AGBL4: variants seen among roughly 807,000 people sequenced by gnomAD.
AGBL4 encodes the protein cytosolic carboxypeptidase 6.
In AGBL4, 58 loss-of-function variants were observed where a neutral mutation model predicts 66.4. The observed-to-expected ratio is 0.87, with a 90% confidence interval of 0.71 to 1.09. AGBL4 has a LOEUF of 1.09. Among genes scored for constraint, AGBL4 ranks in the 50% least tolerant of loss-of-function variants. The pLI is 0.00. For missense variants in AGBL4, 579 were observed against 631.0 expected, an observed-to-expected ratio of 0.92 and a Z score of 0.88; for synonymous variants, 234 against 222.9, an observed-to-expected ratio of 1.05 and a Z score of -0.44.
chr1:48,799,376 A>G (rs1432766904), intron 6 of AGBL4, among the ~76,000 whole-genome samples: 3 of 152,182 alleles, frequency 2.0e-5, no homozygotes, highest in African/African-American at 4.8e-5. Context: ...TTCATTTATC[A>G]GATCTAGGTG....
intron 12 of AGBL4, among the ~76,000 whole-genome samples, chr1:48,538,600 C>T (rs931910365): frequency 6.6e-6 from 1 of 152,178 alleles, no homozygotes; most frequent in African/African-American, 2.4e-5. Flanking sequence ...ACTCTTTGAC[C>T]TCAGGCATCT....
intron 6 of AGBL4, among the ~76,000 whole-genome samples, chr1:48,723,687 C>T (rs534809963): frequency 6.6e-6 from 1 of 152,134 alleles, no homozygotes; most frequent in South Asian, 2.1e-4. Flanking sequence ...GCAGTCTTGG[C>T]TATAATAAAA....
intron 5 of AGBL4, among the ~76,000 whole-genome samples, chr1:48,876,578 C>T (rs1219237203): frequency 6.6e-6 from 1 of 152,170 alleles, no homozygotes; most frequent in Non-Finnish European, 1.5e-5. Context: ...CCACCCAGTG[C>T]ACCCATGGGC....
chr1:48,983,737 A>T (rs1192312817), intron 5 of AGBL4, among the ~76,000 whole-genome samples: 1 of 152,194 alleles, frequency 6.6e-6, no homozygotes, highest in Non-Finnish European at 1.5e-5. Context: ...AAATTAATTA[A>T]TCTCTGTGCC....
At chr1:49,581,874 C>T (rs934494667) in intron 3 of AGBL4, among the ~76,000 whole-genome samples, 4 of 152,106 alleles carry the variant, frequency 2.6e-5, no homozygotes, top group Admixed American at 6.5e-5. Flanking sequence ...AGTGAGTGGG[C>T]TCTTGAGTTC....
intron 2 of AGBL4, among the ~76,000 whole-genome samples, chr1:49,714,975 T>A (rs1203536898): frequency 6.6e-6 from 1 of 152,230 alleles, no homozygotes; most frequent in East Asian, 1.9e-4. Context: ...TTAAAAATTT[T>A]TTCAATTATA....
intron 4 of AGBL4, among the ~76,000 whole-genome samples, chr1:49,164,669 C>T (rs1291241771): frequency 1.3e-5 from 2 of 152,166 alleles, no homozygotes; most frequent in Admixed American, 1.3e-4. Flanking sequence ...GGTATAACCT[C>T]AGGAATGTCA....
chr1:49,215,635 C>G (rs1220847044), intron 4 of AGBL4, among the ~76,000 whole-genome samples: 1 of 152,072 alleles, frequency 6.6e-6, no homozygotes, highest in Admixed American at 6.6e-5. Flanking sequence ...TAACAAAGAA[C>G]CTCCATCACT....
chr1:48,862,151 T>C (rs1647532839), intron 6 of AGBL4, among the ~76,000 whole-genome samples: 1 of 151,642 alleles, frequency 6.6e-6, no homozygotes, highest in African/African-American at 2.4e-5. Context: ...ACCTGGGGAG[T>C]TTTCAGCCTA....
chr1:49,304,980 A>G (rs1356718201), intron 3 of AGBL4, among the ~76,000 whole-genome samples: 1 of 152,166 alleles, frequency 6.6e-6, no homozygotes, highest in East Asian at 1.9e-4. Flanking sequence ...AAACTGTTCT[A>G]CGTACTTTAT....
intron 3 of AGBL4, among the ~76,000 whole-genome samples, chr1:49,580,258 A>T (rs1251374832): frequency 6.6e-6 from 1 of 152,196 alleles, no homozygotes; most frequent in East Asian, 1.9e-4. Context: ...AAGTTTTTTT[A>T]AAATCCATTC....
chr1:49,518,577 G>T (rs537004091), intron 3 of AGBL4, among the ~76,000 whole-genome samples: 3 of 152,050 alleles, frequency 2.0e-5, no homozygotes, highest in Admixed American at 6.6e-5. Context: ...TGTGACTTTT[G>T]ACAAGTCATT....
At chr1:48,631,732 T>A (rs2148411129) in intron 9 of AGBL4, among the ~76,000 whole-genome samples, 1 of 152,202 alleles carries the variant, frequency 6.6e-6, no homozygotes, top group Admixed American at 6.5e-5. Context: ...CAATTTATCA[T>A]CCAAATCAGA....
intron 3 of AGBL4, among the ~76,000 whole-genome samples, chr1:49,519,357 CAACTT>C (rs2148797553): frequency 6.6e-6 from 1 of 152,084 alleles, no homozygotes; most frequent in Admixed American, 6.6e-5. Context: ...ATCTATAAAA[CAACTT>C]AAAGATGTTA....
At chr1:48,682,024 G>T (rs1302944993) in intron 6 of AGBL4, among the ~76,000 whole-genome samples, 1 of 152,198 alleles carries the variant, frequency 6.6e-6, no homozygotes, top group Non-Finnish European at 1.5e-5. Flanking sequence ...ATGAGGCTGG[G>T]TCCTAATCCA....
At chr1:48,792,351 G>T (rs551137312) in intron 6 of AGBL4, among the ~76,000 whole-genome samples, 23 of 152,270 alleles carry the variant, frequency 1.5e-4, no homozygotes, top group Non-Finnish European at 2.8e-4. Context: ...CAACAACAGT[G>T]AGAAAATAAA....
intron 4 of AGBL4, among the ~76,000 whole-genome samples, chr1:49,191,706 C>G (rs2148208425): frequency 6.6e-6 from 1 of 152,276 alleles, no homozygotes; most frequent in African/African-American, 2.4e-5. Context: ...AGTGAGAACA[C>G]GTGGTACTTG....
intron 4 of AGBL4, among the ~76,000 whole-genome samples, chr1:49,151,305 T>C (rs1269105263): frequency 6.7e-6 from 1 of 150,242 alleles, no homozygotes; most frequent in African/African-American, 2.4e-5. Flanking sequence ...TATATGTATA[T>C]GTATACACAC....
chr1:48,990,970 T>C (rs1323418391), intron 5 of AGBL4, among the ~76,000 whole-genome samples: 1 of 152,176 alleles, frequency 6.6e-6, no homozygotes. Flanking sequence ...GTTCATGATT[T>C]AGTCTTTGTA....
Sources: gnomAD v4.1 joint callset for allele counts (sites outside exome capture counted in the v4.1 genomes callset) on GRCh38, gnomAD v4.1.1 for gene constraint, MANE v1.5 for transcripts, NCBI Gene and HGNC (gene_info 2026-07-23, HGNC 2026-07-21) for gene names.